Variants in PTPRT observed in about 807,000 individuals in gnomAD.
The protein encoded by PTPRT is protein tyrosine phosphatase receptor type T.
In PTPRT, 56 loss-of-function variants were observed where a neutral mutation model predicts 176.8. The observed-to-expected ratio is 0.32, with a 90% CI of 0.26 to 0.40. The LOEUF (loss-of-function observed/expected upper bound fraction) is 0.40, where lower values mean the gene tolerates loss of function less well. Among genes scored for constraint, PTPRT ranks in the 10% least tolerant of loss-of-function variants. The pLI is 1.00. For synonymous variants in PTPRT, 783 were observed against 739.0 expected (o/e 1.06, Z -0.96); for missense variants, 1,540 against 1,908.2 (o/e 0.81, Z 3.60).
chr20:42,452,640 T>C (rs949751301), intron 8 of PTPRT, among the ~76,000 whole-genome samples: 5 of 152,252 alleles, frequency 3.3e-5, no homozygotes, highest in Middle Eastern at 3.4e-3. Context: ...GAGGAGGGTG[T>C]GTCTGATGGA....
At chr20:42,123,103 G>T (rs1049642145) in intron 19 of PTPRT, among the ~76,000 whole-genome samples, 1 of 152,160 alleles carries the variant, frequency 6.6e-6, no homozygotes, top group Non-Finnish European at 1.5e-5. Context: ...TCAGCAGTCT[G>T]GTTGGTGAAA....
intron 18 of PTPRT, among the ~76,000 whole-genome samples, chr20:42,136,688 G>C (rs1282636370): frequency 1.3e-5 from 2 of 152,140 alleles, no homozygotes; most frequent in South Asian, 4.2e-4. Flanking sequence ...CCCACTGAGG[G>C]GCCTTTCTGA....
At chr20:42,181,538 TG>T (rs1990526190) in intron 16 of PTPRT, among the ~76,000 whole-genome samples, 1 of 152,198 alleles carries the variant, frequency 6.6e-6, no homozygotes, top group Non-Finnish European at 1.5e-5. Flanking sequence ...CCTTCCTCTA[TG>T]GGATTAAAAT....
At chr20:43,057,050 A>T (rs1987264713) in intron 1 of PTPRT, among the ~76,000 whole-genome samples, 1 of 151,910 alleles carries the variant, frequency 6.6e-6, no homozygotes, top group Non-Finnish European at 1.5e-5. Context: ...GTCTGATTCT[A>T]CTTATATAAC....
chr20:42,513,066 G>T (rs1399904976), intron 7 of PTPRT, among the ~76,000 whole-genome samples: 1 of 151,966 alleles, frequency 6.6e-6, no homozygotes, highest in Non-Finnish European at 1.5e-5. Flanking sequence ...CACCATGTTG[G>T]CCAGGCTGGT....
chr20:42,436,819 C>T (rs1313715773), intron 9 of PTPRT, among the ~76,000 whole-genome samples: 3 of 152,168 alleles, frequency 2.0e-5, no homozygotes, highest in Non-Finnish European at 2.9e-5. Context: ...GTAGTATCTT[C>T]GTGCAGTGGA....
At chr20:42,688,971 C>T (rs3092636) in intron 6 of PTPRT, among the ~76,000 whole-genome samples, 2,892 of 152,248 alleles carry the variant, frequency 0.019, 104 homozygotes, top group African/African-American at 0.066. Context: ...GTGATACAGG[C>T]TGGGAAGTGG....
chr20:42,407,933 G>A (rs1390285000), intron 9 of PTPRT, among the ~76,000 whole-genome samples: 1 of 152,030 alleles, frequency 6.6e-6, no homozygotes, highest in Non-Finnish European at 1.5e-5. Flanking sequence ...CATTTGATGG[G>A]AATGGTTCTA....
chr20:42,734,567 A>G (rs1600676966), intron 6 of PTPRT, among the ~76,000 whole-genome samples: 1 of 152,188 alleles, frequency 6.6e-6, no homozygotes, highest in Admixed American at 6.5e-5. Context: ...CTCATACAAA[A>G]TGGAGTAATA....
intron 1 of PTPRT, among the ~76,000 whole-genome samples, chr20:43,180,161 T>C (rs1272104617): frequency 1.2e-4 from 18 of 152,160 alleles, no homozygotes; most frequent in Admixed American, 1.0e-3. Context: ...CTCCTTCCCT[T>C]GGGCATCAGT....
At chr20:42,055,232 G>T in the PTPRT span, among the ~76,000 whole-genome samples, 1 of 152,314 alleles carries the variant, frequency 6.6e-6, no homozygotes, top group East Asian at 1.9e-4. Context: ...CAAATAAAAA[G>T]GCATTTCTTA....
intron 6 of PTPRT, among the ~76,000 whole-genome samples, chr20:42,709,507 T>C (rs573651687): frequency 6.6e-6 from 1 of 152,338 alleles, no homozygotes; most frequent in East Asian, 1.9e-4. Context: ...CTGGGGCCCT[T>C]GCTAGAAATA....
At chr20:42,640,011 C>A (rs2074703831) in intron 7 of PTPRT, among the ~76,000 whole-genome samples, 1 of 152,080 alleles carries the variant, frequency 6.6e-6, no homozygotes, top group African/African-American at 2.4e-5. Context: ...TATATGATAT[C>A]TCCTTTTGAC....
At chr20:43,007,861 C>A (rs1320922851) in intron 1 of PTPRT, among the ~76,000 whole-genome samples, 3 of 152,180 alleles carry the variant, frequency 2.0e-5, no homozygotes, top group African/African-American at 7.2e-5. Context: ...TGACCTTGGC[C>A]AAGTTATAAC....
At chr20:42,322,080 G>A (rs920383273) in intron 11 of PTPRT, among the ~76,000 whole-genome samples, 18 of 151,956 alleles carry the variant, frequency 1.2e-4, no homozygotes, top group Non-Finnish European at 2.4e-4. Flanking sequence ...TCAAATAAAT[G>A]GAAGAACATT....
intron 16 of PTPRT, among the ~76,000 whole-genome samples, chr20:42,186,641 A>C (rs1045340492): frequency 7.2e-5 from 11 of 152,092 alleles, no homozygotes; most frequent in Non-Finnish European, 1.5e-4. Flanking sequence ...GCTTATAAAC[A>C]ATCAGAAGCA....
intron 2 of PTPRT, among the ~76,000 whole-genome samples, chr20:42,819,915 T>C (rs1237597092): frequency 6.6e-6 from 1 of 152,154 alleles, no homozygotes; most frequent in Non-Finnish European, 1.5e-5. Flanking sequence ...CCCAGATTCA[T>C]AAGACAATCT....
chr20:43,181,558 G>A (rs966872384), intron 1 of PTPRT, among the ~76,000 whole-genome samples: 2 of 152,116 alleles, frequency 1.3e-5, no homozygotes, highest in East Asian at 3.9e-4. Context: ...TGGCAATGTG[G>A]CAAAATTCTT....
At chr20:42,537,838 C>T (rs987423745) in intron 7 of PTPRT, among the ~76,000 whole-genome samples, 3 of 152,112 alleles carry the variant, frequency 2.0e-5, no homozygotes, top group African/African-American at 7.2e-5. Context: ...TCTTCACTGA[C>T]GTCTGAAACA....
Sources: gnomAD v4.1 joint callset for allele counts (sites outside exome capture counted in the v4.1 genomes callset) on GRCh38, gnomAD v4.1.1 for gene constraint, MANE v1.5 for transcripts, NCBI Gene and HGNC (gene_info 2026-07-23, HGNC 2026-07-21) for gene names.